Variants in DLGAP2 observed in about 807,000 individuals in gnomAD.
The protein encoded by DLGAP2 is disks large-associated protein 2.
In DLGAP2, 26 loss-of-function variants were observed where a neutral mutation model predicts 100.3. That is an observed-to-expected ratio of 0.26 (90% confidence interval 0.19 to 0.36). The LOEUF is 0.36. Ranked by LOEUF, DLGAP2 falls within the 10% of genes least tolerant of loss-of-function variation. The pLI is 1.00. For synonymous variants in DLGAP2, 886 were observed against 630.1 expected (o/e 1.41, Z -6.08); for missense variants, 1,858 against 1,453.2 (o/e 1.28, Z -4.53).
rs557697639 is a variant in DLGAP2 at position 1,623,042 on chromosome 8, T to C, written c.1443-3698T>C. ...TGAGGAACCTGGCCTTCTGGGACTC[T>C]ATATGATAAAATGCTAAGCCATTAT... On this transcript the variant is annotated intron_variant, in intron 6 of 14. Coordinates refer to ENST00000637795, the MANE Select transcript of DLGAP2 (RefSeq NM_001346810.2). Among the ~76,000 whole-genome samples the C allele has an allele frequency of 3.9e-5, 6 of 152,360 alleles. No homozygotes were observed. In the East Asian group the frequency reaches 1.2e-3, roughly 29 times the overall value.
chr8:1,288,101 G>C (rs1333838350), intron 3 of DLGAP2, among the ~76,000 whole-genome samples: 2 of 147,140 alleles, frequency 1.4e-5, no homozygotes, highest in Non-Finnish European at 3.0e-5. Flanking sequence ...GTGTGTGTGC[G>C]TGTGTGGTTC....
At chr8:1,583,926 G>A (rs1246540668) in intron 6 of DLGAP2, among the ~76,000 whole-genome samples, 11 of 151,928 alleles carry the variant, frequency 7.2e-5, no homozygotes, top group Non-Finnish European at 2.9e-5. Flanking sequence ...GCTGTTCACC[G>A]TCTCCTCCTT....
At chr8:913,933 C>G (rs965899744) in intron 2 of DLGAP2, among the ~76,000 whole-genome samples, 45 of 152,114 alleles carry the variant, frequency 3.0e-4, no homozygotes, top group African/African-American at 1.1e-3. Context: ...CTGAGACATG[C>G]AGGCACCTCA....
chr8:1,053,428 A>G (rs1458193563), intron 2 of DLGAP2, among the ~76,000 whole-genome samples: 1 of 152,152 alleles, frequency 6.6e-6, no homozygotes, highest in African/African-American at 2.4e-5. Context: ...ATCTCCACAG[A>G]GAAGGAACCA....
chr8:1,491,397 T>TCGGAGGCTTCAGGCTACTCCCCCGATCC (rs56365838), intron 3 of DLGAP2, among the ~76,000 whole-genome samples: 2 of 149,474 alleles, frequency 1.3e-5, no homozygotes, highest in Admixed American at 6.6e-5. Flanking sequence ...CCCCCTGACC[T>TCGGAGGCTTCAGGCTACTCCCCCGATCC]CGGAGGCTTC....
At chr8:1,208,329 C>T (rs1465477216) in intron 2 of DLGAP2, among the ~76,000 whole-genome samples, 2 of 152,144 alleles carry the variant, frequency 1.3e-5, no homozygotes, top group African/African-American at 2.4e-5. Flanking sequence ...TGTCCTTTCC[C>T]CGCTTATGTT....
At chr8:1,193,724 C>T (rs897882953) in intron 2 of DLGAP2, among the ~76,000 whole-genome samples, 7 of 152,182 alleles carry the variant, frequency 4.6e-5, no homozygotes, top group South Asian at 2.1e-4. Flanking sequence ...CTGAGACTCC[C>T]GGACAGCATC....
At chr8:983,966 G>A (rs192109123) in intron 2 of DLGAP2, among the ~76,000 whole-genome samples, 1 of 152,256 alleles carries the variant, frequency 6.6e-6, no homozygotes, top group Admixed American at 6.5e-5. Context: ...TGCCCGGTGT[G>A]GTGCCTTGCT....
chr8:1,557,680 C>T (rs1007178892), intron 5 of DLGAP2, among the ~76,000 whole-genome samples: 32 of 152,278 alleles, frequency 2.1e-4, no homozygotes, highest in Non-Finnish European at 4.0e-4. Flanking sequence ...GTGCCCAAGA[C>T]CGTGGAGTCC....
intron 6 of DLGAP2, among the ~76,000 whole-genome samples, chr8:1,594,719 C>T (rs373001070): frequency 4.6e-5 from 7 of 152,210 alleles, no homozygotes; most frequent in African/African-American, 1.4e-4. Flanking sequence ...CCACCGCGCC[C>T]GGCCAGGTCA....
chr8:1,135,060 C>T (rs991607367), intron 2 of DLGAP2, among the ~76,000 whole-genome samples: 2 of 152,144 alleles, frequency 1.3e-5, no homozygotes, highest in Admixed American at 1.3e-4. Context: ...TTTCTATTTC[C>T]TCCATTCTTG....
At chr8:1,294,718 T>C (rs1800131386) in intron 3 of DLGAP2, among the ~76,000 whole-genome samples, 1 of 152,136 alleles carries the variant, frequency 6.6e-6, no homozygotes, top group Admixed American at 6.5e-5. Flanking sequence ...TAAAAGCTTA[T>C]TTTGGCTGGG....
intron 3 of DLGAP2, among the ~76,000 whole-genome samples, chr8:1,275,441 T>C (rs1799663099): frequency 1.3e-5 from 2 of 151,586 alleles, no homozygotes; most frequent in African/African-American, 4.8e-5. Flanking sequence ...ATTAAGGCCT[T>C]GGACACTGGT....
intron 2 of DLGAP2, among the ~76,000 whole-genome samples, chr8:1,126,590 AG>A (rs1356355541): frequency 6.6e-6 from 1 of 150,864 alleles, no homozygotes; most frequent in Admixed American, 6.6e-5. Flanking sequence ...CTGCTGTGGG[AG>A]GTGCTGTGCT....
chr8:1,527,614 G>A (rs562047371), intron 4 of DLGAP2, among the ~76,000 whole-genome samples: 1 of 152,332 alleles, frequency 6.6e-6, no homozygotes, highest in East Asian at 1.9e-4. Context: ...GGAAAGAAGA[G>A]AACTGAAATA....
chr8:941,452 AACCCGTCAG>A (rs1478435109), intron 2 of DLGAP2, among the ~76,000 whole-genome samples: 1 of 151,218 alleles, frequency 6.6e-6, no homozygotes, highest in Non-Finnish European at 1.5e-5. Flanking sequence ...TCAGGCTGGA[AACCCGTCAG>A]ACTCTAGATG....
rs374620386 is a variant in DLGAP2 at position 1,074,225 on chromosome 8, A to G, written c.73+166259A>G. On this transcript the variant is annotated intron_variant, in intron 2 of 14. Transcript: ENST00000637795. ...ACTGAAGCTGAACTCACCCAGGTAC[A>G]TATTCAGGATTCACTGTAACAGAAG... Among the ~76,000 whole-genome samples the G allele has an allele frequency of 2.0e-5, 3 of 148,618 alleles. No individual in the cohort carries two copies. In the East Asian group the frequency reaches 7.3e-4, roughly 36 times the overall value.
chr8:911,851 A>C (rs1312303697), intron 2 of DLGAP2, among the ~76,000 whole-genome samples: 1 of 152,218 alleles, frequency 6.6e-6, no homozygotes. Context: ...TTGAATCCAC[A>C]TTTCCCTGAC....
chr8:1,626,335 G>A (rs568656703), intron 6 of DLGAP2, among the ~76,000 whole-genome samples: 1 of 123,978 alleles, frequency 8.1e-6, no homozygotes, highest in East Asian at 2.2e-4. Flanking sequence ...TGGGTTGGAC[G>A]GCTGTTCCCA....
Sources: allele counts gnomAD v4.1 joint callset (sites outside exome capture counted in the v4.1 genomes callset), GRCh38; gene constraint gnomAD v4.1.1; transcripts MANE v1.5; gene names NCBI Gene and HGNC (gene_info 2026-07-23, HGNC 2026-07-21).